The following ACP3 variants were observed in gnomAD, a reference collection of about 807,000 sequenced individuals.
ACP3 encodes acid phosphatase 3, also known as prostatic acid phosphatase.
In ACP3, 38 loss-of-function variants were observed where a neutral mutation model predicts 45.6. The observed-to-expected ratio is 0.83, with a 90% CI of 0.64 to 1.09. The LOEUF (loss-of-function observed/expected upper bound fraction) is 1.09. Among genes scored for constraint, ACP3 ranks in the 50% least tolerant of loss-of-function variants. The pLI is 0.00. For synonymous variants in ACP3, 162 were observed against 164.7 expected (o/e 0.98, Z 0.13); for missense variants, 466 against 463.2 (o/e 1.01, Z -0.05).
At chr3:132,334,087 AC>A (rs1937450484) in intron 4 of ACP3, among the ~76,000 whole-genome samples, 1 of 152,204 alleles carries the variant, frequency 6.6e-6, no homozygotes, top group Non-Finnish European at 1.5e-5. Context: ...TAAATAAAAA[AC>A]AAAACAAAAC....
chr3:132,362,848 G>A (rs1293279295), downstream of ACP3, among the ~76,000 whole-genome samples: 1 of 152,204 alleles, frequency 6.6e-6, no homozygotes, highest in African/African-American at 2.4e-5. Context: ...AGGCTGCAGA[G>A]GCAAGCACTA....
At chr3:132,351,407 C>T (rs61443568) in intron 8 of ACP3, among the ~76,000 whole-genome samples, 2,206 of 152,264 alleles carry the variant, frequency 0.014, 54 homozygotes, top group African/African-American at 0.049. Flanking sequence ...AGCAGGGAAA[C>T]AGGACATAGC....
downstream of ACP3, among the ~76,000 whole-genome samples, chr3:132,359,372 G>A (rs1184619473): frequency 6.6e-6 from 1 of 152,120 alleles, no homozygotes; most frequent in Non-Finnish European, 1.5e-5. Context: ...GCCGGGCATG[G>A]TGGCGGGCAC....
chr3:132,357,623 T>G lies in ACP3; in HGVS notation c.*745T>G. 3.0e-6 allele frequency: 3 copies of G among 984,734 alleles called. No homozygotes were observed. Among genetic ancestry groups the G allele is most frequent in the Non-Finnish European group, 3.6e-6 (3 of 829,318 alleles). The allele number at this position is 984,734 out of a possible 1,614,324, so 61.0% of individuals were successfully genotyped here. ...TATAGCAGCTCTTGAAGTATATATATCATAGCAAATAAGTCATCTGATGAG... is the reference window on the plus strand; with the variant it reads ...TATAGCAGCTCTTGAAGTATATATAGCATAGCAAATAAGTCATCTGATGAG... On this transcript the variant is annotated 3_prime_UTR_variant, in exon 10 of 10. Transcript: ENST00000336375.
At chr3:132,341,328 T>A (rs901601800) in intron 5 of ACP3, among the ~76,000 whole-genome samples, 8 of 152,218 alleles carry the variant, frequency 5.3e-5, no homozygotes, top group African/African-American at 9.6e-5. Flanking sequence ...TGTATTTTTT[T>A]AAATCAATAT....
chr3:132,360,436 C>A (rs115024225), downstream of ACP3, among the ~76,000 whole-genome samples: 621 of 152,152 alleles, frequency 4.1e-3, 7 homozygotes, highest in African/African-American at 0.014. Context: ...TGCAACCCTA[C>A]TCCTTAGAGT....
intron 6 of ACP3, among the ~76,000 whole-genome samples, chr3:132,344,584 C>G (rs980244620): frequency 2.6e-5 from 4 of 152,130 alleles, no homozygotes; most frequent in African/African-American, 9.7e-5. Flanking sequence ...AAGGAAATAT[C>G]ATTTAACTCT....
chr3:132,352,875 T>C (rs1266687265), intron 9 of ACP3, 52 bp downstream of exon 9: 2 of 1,328,412 alleles, frequency 1.5e-6, no homozygotes, highest in East Asian at 2.3e-5. Context: ...TTGGGTTTCA[T>C]TATTATTATT....
intron 6 of ACP3, 34 bp from the exon 7 acceptor site, chr3:132,344,893 C>T: frequency 6.2e-7 from 1 of 1,608,980 alleles, no homozygotes; most frequent in East Asian, 2.2e-5. Context: ...CATATAAATA[C>T]ACATACATTT....
intron 7 of ACP3, 115 bp from the exon 8 acceptor site, chr3:132,349,805 C>T: frequency 1.5e-6 from 1 of 682,482 alleles, no homozygotes; most frequent in South Asian, 1.8e-5. Context: ...GATCTTTGCC[C>T]CTCTTCTTAA....
At chr3:132,350,069 T>C in intron 8 of ACP3, 67 bp downstream of exon 8, 1 of 1,145,882 alleles carries the variant, frequency 8.7e-7, no homozygotes. Flanking sequence ...GCACAGGACC[T>C]CATCTTTTTT....
At chr3:132,366,404 AGG>A (rs531207647) in intron 10 of ACP3, among the ~76,000 whole-genome samples, 271 of 152,332 alleles carry the variant, frequency 1.8e-3, no homozygotes, top group Non-Finnish European at 3.1e-3. Context: ...GGTTCAAAGC[AGG>A]GTGGTGGCAG....
intron 1 of ACP3, among the ~76,000 whole-genome samples, chr3:132,326,761 A>C (rs1377064077): frequency 1.3e-5 from 2 of 152,234 alleles, no homozygotes; most frequent in African/African-American, 2.4e-5. Flanking sequence ...TCAAAAGAGC[A>C]GGTTCTTAGC....
At chr3:132,355,380 C>G (rs1937858259) in intron 9 of ACP3, among the ~76,000 whole-genome samples, 1 of 152,112 alleles carries the variant, frequency 6.6e-6, no homozygotes, top group Admixed American at 6.5e-5. Context: ...CATCTTAAGA[C>G]AGAAGATGCT....
In ACP3 at chr3:132,357,963, G is replaced by A. The variant is rs1361657755; in HGVS notation, c.*1085G>A. 1.8e-5 allele frequency: 3 copies of A among 169,284 alleles called. No individual in the cohort carries two copies. Among genetic ancestry groups the A allele is most frequent in the Non-Finnish European group, 3.6e-5 (3 of 83,954 alleles). 10.5% of individuals were successfully genotyped at this position (169,284 alleles called of 1,614,324 possible). On this transcript the variant is annotated 3_prime_UTR_variant, in exon 10 of 10. Coordinates refer to ENST00000336375, the MANE Select transcript of ACP3 (RefSeq NM_001099.5). ...GCAGGAGGATCACTTGAGCCCCGGAGGTCGAGGCTACAGTGAGCCAAGAGT... is the reference window on the plus strand; with the variant it reads ...GCAGGAGGATCACTTGAGCCCCGGAAGTCGAGGCTACAGTGAGCCAAGAGT...
chr3:132,339,829 C>A (rs1937532266), intron 5 of ACP3, among the ~76,000 whole-genome samples: 1 of 151,986 alleles, frequency 6.6e-6, no homozygotes, highest in Admixed American at 6.5e-5. Context: ...TAACTCCCTC[C>A]CCTCCCCAGA....
chr3:132,318,562 C>T (rs574226792), intron 1 of ACP3, among the ~76,000 whole-genome samples: 1 of 151,518 alleles, frequency 6.6e-6, no homozygotes, highest in African/African-American at 2.4e-5. Context: ...AATATGATAC[C>T]CATGTGCTTA....
Position 132,344,135 on chromosome 3 carries a change from G to A in ACP3, c.649-792G>A, listed in dbSNP as rs146681257. Among the ~76,000 whole-genome samples, 360 of 152,132 alleles carry A rather than the reference G, an allele frequency of 2.4e-3. 2 individuals carry two copies. Among genetic ancestry groups the A allele is most frequent in the African/African-American group, 8.1e-3 (338 of 41,514 alleles). On this transcript the variant is annotated intron_variant, in intron 6 of 9. Coordinates refer to ENST00000336375, the MANE Select transcript of ACP3 (RefSeq NM_001099.5). ...TCTACTAAAAATACAAAAATTAGGCGGGTGTGGTGGCGCATGCCTGTAATC... is the reference window on the plus strand; with the variant it reads ...TCTACTAAAAATACAAAAATTAGGCAGGTGTGGTGGCGCATGCCTGTAATC...
intron 7 of ACP3, among the ~76,000 whole-genome samples, chr3:132,349,371 A>G (rs1053147892): frequency 6.6e-6 from 1 of 152,326 alleles, no homozygotes; most frequent in Non-Finnish European, 1.5e-5. Context: ...AATGGTCCAC[A>G]GAGAATAGTC....
Sources: allele counts gnomAD v4.1 joint callset (sites outside exome capture counted in the v4.1 genomes callset), GRCh38; gene constraint gnomAD v4.1.1; transcripts MANE v1.5; gene names NCBI Gene and HGNC (gene_info 2026-07-23, HGNC 2026-07-21).